PFKP: variants seen among roughly 807,000 people sequenced by gnomAD.
PFKP encodes the protein phosphofructokinase, platelet.
A neutral mutation model predicts 94.3 loss-of-function variants in PFKP; 101 were observed. That is an observed-to-expected ratio of 1.07 (90% CI 0.91 to 1.26). The LOEUF (loss-of-function observed/expected upper bound fraction) is 1.26, where lower values mean the gene tolerates loss of function less well. Ranked by LOEUF, PFKP falls within the 50% of genes most tolerant of loss-of-function variation. PFKP has a pLI of 0.00. For missense variants in PFKP, 1,145 were observed against 1,103.3 expected, an observed-to-expected ratio of 1.04 and a Z score of -0.53; for synonymous variants, 573 against 432.6, an observed-to-expected ratio of 1.32 and a Z score of -4.03.
intron 1 of PFKP, among the ~76,000 whole-genome samples, chr10:3,074,045 G>A (rs1028541968): frequency 2.0e-5 from 3 of 152,164 alleles, no homozygotes; most frequent in African/African-American, 7.2e-5. Flanking sequence ...TCACCGTGTT[G>A]GTCAGGCTGG....
intron 1 of PFKP, among the ~76,000 whole-genome samples, chr10:3,081,805 CATGATGATACATTGTAAACAGACTTAT>C (rs1204573043): frequency 6.6e-6 from 1 of 152,164 alleles, no homozygotes; most frequent in South Asian, 2.1e-4. Context: ...AACAGACCTA[CATGATGATACATTGTAAACAGACTTAT>C]ATGATGATAC....
intron 1 of PFKP, among the ~76,000 whole-genome samples, chr10:3,078,580 A>T (rs1336493674): frequency 6.6e-6 from 1 of 152,230 alleles, no homozygotes; most frequent in Non-Finnish European, 1.5e-5. Flanking sequence ...TCTGAGGCAC[A>T]GGCATTGTAA....
At chr10:3,123,243 A>C (rs1837603197) in intron 16 of PFKP, among the ~76,000 whole-genome samples, 1 of 152,130 alleles carries the variant, frequency 6.6e-6, no homozygotes, top group Admixed American at 6.5e-5. Flanking sequence ...TGTAAGCTCG[A>C]TAAGGTCACA....
chr10:3,134,327 A>T (rs542070790), intron 19 of PFKP, among the ~76,000 whole-genome samples, 156 bp from the exon 20 acceptor site: 34 of 152,366 alleles, frequency 2.2e-4, no homozygotes, highest in African/African-American at 8.2e-4. Context: ...TTAACAGGCC[A>T]AGTTCAGGCT....
At chr10:3,104,270 A>C (rs1252203417) in intron 5 of PFKP, among the ~76,000 whole-genome samples, 2 of 152,210 alleles carry the variant, frequency 1.3e-5, no homozygotes, top group Non-Finnish European at 2.9e-5. Flanking sequence ...GATTTTCCAC[A>C]CTACTCATTA....
Position 3,101,562 on chromosome 10 carries a change from G to A in PFKP, c.454+8G>A, listed in dbSNP as rs373678303. On this transcript the variant is annotated splice_region_variant and intron_variant, in intron 4 of 21. Coordinates refer to ENST00000381125, the MANE Select transcript of PFKP (RefSeq NM_002627.5). ...AGGAGCTGGCCAGGAACGGTGAGTG[G>A]ACACCTGCTCCTCTGTCCTGCGGGT... 7.9e-6 allele frequency: 12 copies of A among 1,519,552 alleles called. No individual in the cohort carries two copies. In the African/African-American group the frequency reaches 9.7e-5, roughly 12 times the overall value. The allele number at this position is 1,519,552 out of a possible 1,614,324, so 94.1% of individuals were successfully genotyped here.
intron 1 of PFKP, among the ~76,000 whole-genome samples, chr10:3,072,879 C>T (rs184307567): frequency 1.1e-4 from 16 of 152,060 alleles, no homozygotes; most frequent in Admixed American, 5.2e-4. Context: ...AATGGCATTT[C>T]GGCTAAGAAA....
intron 16 of PFKP, among the ~76,000 whole-genome samples, chr10:3,126,884 C>T (rs1838007742): frequency 6.6e-6 from 1 of 152,230 alleles, no homozygotes; most frequent in Admixed American, 6.5e-5. Flanking sequence ...CTGCTGGGGG[C>T]ACATCCCATC....
chr10:3,093,885 C>CA (rs1304930767), intron 2 of PFKP, among the ~76,000 whole-genome samples: 10 of 152,092 alleles, frequency 6.6e-5, no homozygotes, highest in Non-Finnish European at 1.3e-4. Context: ...CCTTGTGATC[C>CA]GCCCGCCTTG....
intron 15 of PFKP, 30 bp from the exon 16 acceptor site, chr10:3,119,862 C>T (rs745479951): frequency 1.9e-5 from 31 of 1,611,724 alleles, no homozygotes; most frequent in African/African-American, 5.3e-5. Context: ...GCTTCCCTCT[C>T]GCCCCACAAC....
At chr10:3,131,329 T>A (rs185726505) in intron 17 of PFKP, among the ~76,000 whole-genome samples, 4 of 152,056 alleles carry the variant, frequency 2.6e-5, no homozygotes, top group Non-Finnish European at 4.4e-5. Context: ...CACCTAGCAA[T>A]GCATTTCTCA....
rs181934303 is a variant in PFKP at position 3,097,990 on chromosome 10, C to G, written c.187-1285C>G. Reference sequence around the variant, plus strand: ...TGCCACTGCACTCCAGCCTGGGCAACAGAGCAAGACTCTGTCTCAAAAATA... The same window carrying G: ...TGCCACTGCACTCCAGCCTGGGCAAGAGAGCAAGACTCTGTCTCAAAAATA... On this transcript the variant is annotated intron_variant, in intron 2 of 21. Transcript: ENST00000381125. 3.8e-4 allele frequency among the ~76,000 whole-genome samples: 58 copies of G among 152,206 alleles called. 2 individuals are homozygous for G. Among genetic ancestry groups the G allele is most frequent in the African/African-American group, 1.4e-3 (57 of 41,486 alleles).
intron 16 of PFKP, among the ~76,000 whole-genome samples, chr10:3,124,940 C>T (rs963270213): frequency 3.3e-5 from 5 of 152,236 alleles, no homozygotes; most frequent in Non-Finnish European, 5.9e-5. Flanking sequence ...TGCTCTCGCA[C>T]GGCCTCCAGA....
At chr10:3,134,825 C>T (rs1341606753) in intron 20 of PFKP, among the ~76,000 whole-genome samples, 2 of 152,216 alleles carry the variant, frequency 1.3e-5, no homozygotes, top group African/African-American at 4.8e-5. Flanking sequence ...GTCTGCAGTT[C>T]TTTTGTGCAG....
chr10:3,103,902 G>C lies in PFKP; in HGVS notation c.578G>C (p.Arg193Thr). The change falls in exon 5 of 22, where the codon AGG becomes ACG. Residue 193 changes from arginine to threonine, a missense_variant. Transcript: ENST00000381125. ...ATCGGCACGGACTCCGCCCTGCACA[G>C]GATCATCGAGGTCGTCGACGCCATC... is the stretch of plus-strand genomic sequence containing the variant. ...MTIGTDSALH[R>T]IIEVVDAIMT... 1 of 1,613,914 alleles carries C rather than the reference G, an allele frequency of 6.2e-7. No individual in the cohort carries two copies. Among genetic ancestry groups the C allele is most frequent in the Non-Finnish European group, 8.5e-7 (1 of 1,180,042 alleles).
At chr10:3,069,409 G>C in intron 1 of PFKP, 1 of 1,578,640 alleles carries the variant, frequency 6.3e-7, no homozygotes, top group South Asian at 1.2e-5. Flanking sequence ...GAGCCGCCTT[G>C]GGGTCGGGAT....
chr10:3,129,541 G>A (rs1838317242), intron 16 of PFKP: 9 of 443,452 alleles, frequency 2.0e-5, no homozygotes, highest in South Asian at 5.7e-5. Flanking sequence ...CCCTTCTATG[G>A]GGCCTGGGAG....
intron 4 of PFKP, among the ~76,000 whole-genome samples, chr10:3,102,250 C>CAAAAAAAAAGA (rs1835089901): frequency 1.8e-5 from 1 of 54,776 alleles, no homozygotes; most frequent in African/African-American, 6.2e-5. Context: ...GACTCTGTCT[C>CAAAAAAAAAGA]AAAAAAAAAA....
intron 7 of PFKP, 95 bp from the exon 8 acceptor site, chr10:3,107,119 C>A: frequency 1.3e-6 from 1 of 755,788 alleles, no homozygotes; most frequent in South Asian, 1.5e-5. Flanking sequence ...CAGAAAGAGG[C>A]CAGTTCAGTT....
Sources: gnomAD v4.1 joint callset for allele counts (sites outside exome capture counted in the v4.1 genomes callset) on GRCh38, gnomAD v4.1.1 for gene constraint, MANE v1.5 for transcripts, NCBI Gene and HGNC (gene_info 2026-07-23, HGNC 2026-07-21) for gene names.